The following MEIKIN variants were observed in gnomAD, a reference collection of about 807,000 sequenced individuals.
The protein encoded by MEIKIN is meiotic kinetochore factor, also known as meiosis-specific kinetochore protein.
rs567851953 is a variant in MEIKIN at position 131,854,641 on chromosome 5, AAC to A, written c.855+111_855+112del. On this transcript the variant is annotated intron_variant, in intron 10 of 12. Transcript: ENST00000442687. ...TGAAAGTGTGCTTAAGCAACAGAAA[AAC>A]ACAGATATTATTCTCCATAGGCAAT... 1.7e-3 allele frequency: 661 copies of A among 392,008 alleles called. 5 individuals carry two copies. Among genetic ancestry groups the A allele is most frequent in the African/African-American group, 0.012 (602 of 48,586 alleles). 24.3% of individuals were successfully genotyped at this position (392,008 alleles called of 1,614,324 possible).
rs189836256 is a variant in MEIKIN at position 131,889,205 on chromosome 5, G to T, written c.704-10157C>A. Among the ~76,000 whole-genome samples the T allele has an allele frequency of 6.0e-3, 921 of 152,236 alleles. 9 individuals carry two copies. In the Middle Eastern group the frequency reaches 0.071, roughly 12 times the overall value. ...ACTTGGCAATGCAGGCTCTTTTTTG[G>T]TTCCATATGAACTTGAAAGTAGTTT... On this transcript the variant is annotated intron_variant, in intron 8 of 12. Coordinates refer to ENST00000442687, the MANE Select transcript of MEIKIN (RefSeq NM_001303622.2).
intron 8 of MEIKIN, among the ~76,000 whole-genome samples, chr5:131,902,849 G>A (rs141024556): frequency 1.2e-4 from 19 of 152,236 alleles, no homozygotes; most frequent in South Asian, 6.2e-4. Flanking sequence ...GGATAGGAAC[G>A]AGGATCATCG....
intron 8 of MEIKIN, among the ~76,000 whole-genome samples, chr5:131,893,419 C>A (rs551137573): frequency 6.6e-6 from 1 of 152,228 alleles, no homozygotes; most frequent in Non-Finnish European, 1.5e-5. Context: ...CCTGGTGTGC[C>A]ATTTGTGAAG....
At chr5:131,940,618 A>G (rs570291099) in intron 4 of MEIKIN, among the ~76,000 whole-genome samples, 1 of 152,212 alleles carries the variant, frequency 6.6e-6, no homozygotes, top group African/African-American at 2.4e-5. Flanking sequence ...ATCTGTTTAT[A>G]TGGCAGTAAG....
At chr5:131,829,712 C>T (rs551353985) in intron 11 of MEIKIN, among the ~76,000 whole-genome samples, 5 of 152,274 alleles carry the variant, frequency 3.3e-5, no homozygotes, top group Admixed American at 2.6e-4. Flanking sequence ...GAAATAGGGT[C>T]TCTGCAGACT....
chr5:131,932,634 C>T (rs1017230447), intron 5 of MEIKIN, among the ~76,000 whole-genome samples: 6 of 152,200 alleles, frequency 3.9e-5, no homozygotes, highest in African/African-American at 1.4e-4. Flanking sequence ...TATAATACTA[C>T]AGAGAAACGA....
chr5:131,917,599 G>A (rs888985012), intron 6 of MEIKIN, among the ~76,000 whole-genome samples: 33 of 150,074 alleles, frequency 2.2e-4, no homozygotes, highest in African/African-American at 7.6e-4. Flanking sequence ...AAAACTCACA[G>A]TCAAATACTA....
chr5:131,942,503 A>G (rs1238517717), intron 4 of MEIKIN, 132 bp downstream of exon 4: 1 of 387,374 alleles, frequency 2.6e-6, no homozygotes, highest in Non-Finnish European at 4.6e-6. Flanking sequence ...TAGCACAGTC[A>G]GAAGGATTCA....
At chr5:131,871,946 TAGAAGGAAAACTAACAAACA>T (rs1750510916) in intron 9 of MEIKIN, among the ~76,000 whole-genome samples, 3 of 152,056 alleles carry the variant, frequency 2.0e-5, no homozygotes, top group African/African-American at 7.2e-5. Flanking sequence ...TCCTGACTGT[TAGAAGGAAAACTAACAAACA>T]GGAAGGACAT....
In MEIKIN at chr5:131,845,272, T is replaced by TAAAAAAAAAAAAAAA. The variant is rs1158220526; in HGVS notation, c.975+5977_975+5991dup. On this transcript the variant is annotated intron_variant, in intron 11 of 12. Transcript: ENST00000442687. ...GTGACAGAGCGAGAAGACTTCGTCTTAAAAAAAAAAAAAAAAAAAAAAAAA... is the reference window on the plus strand; with the variant it reads ...GTGACAGAGCGAGAAGACTTCGTCTTAAAAAAAAAAAAAAAAAAAAAAAAAAAAAAAAAAAAAAAA... Among the ~76,000 whole-genome samples, 70 of 45,358 alleles carry TAAAAAAAAAAAAAAA rather than the reference T, an allele frequency of 1.5e-3. 6 individuals carry two copies. The highest frequency in any genetic ancestry group is 9.1e-3 in the African/African-American group (65 of 7,160). The allele number at this position is 45,358 out of a possible 152,430, so 29.8% of individuals were successfully genotyped here.
intron 12 of MEIKIN, among the ~76,000 whole-genome samples, chr5:131,815,767 A>G (rs2149601593): frequency 6.6e-6 from 1 of 152,330 alleles, no homozygotes; most frequent in South Asian, 2.1e-4. Context: ...ATGGAAAACT[A>G]CAACAACCCA....
rs1041510908 is a variant in MEIKIN, at chr5:131,872,889, A to G, written c.774+6089T>C. Among the ~76,000 whole-genome samples the G allele has an allele frequency of 6.6e-4, 100 of 152,352 alleles. 1 individual carries two copies. Among genetic ancestry groups the G allele is most frequent in the Non-Finnish European group, 1.2e-3 (81 of 68,032 alleles). ...ATTTTCAACCCAGCATTTCATATCC[A>G]GCCAAACTAAGCTTCATAAGTGAAG... On this transcript the variant is annotated intron_variant, in intron 9 of 12. Transcript: ENST00000442687.
In MEIKIN at chr5:131,849,391, T is replaced by C. The variant is rs191523066; in HGVS notation, c.975+1873A>G. On this transcript the variant is annotated intron_variant, in intron 11 of 12. Coordinates refer to ENST00000442687, the MANE Select transcript of MEIKIN (RefSeq NM_001303622.2). Reference sequence around the variant, plus strand: ...TCTTTATATATATAAAGAAACCTCTTTTCTTTATATATATAAAGAAACCTC... The same window carrying C: ...TCTTTATATATATAAAGAAACCTCTCTTCTTTATATATATAAAGAAACCTC... 6.8e-4 allele frequency among the ~76,000 whole-genome samples: 97 copies of C among 142,502 alleles called. 2 individuals carry two copies. The highest frequency in any genetic ancestry group is 2.4e-3 in the African/African-American group (92 of 38,428). 93.5% of individuals were successfully genotyped at this position (142,502 alleles called of 152,430 possible).
At chr5:131,874,517 G>A (rs577828625) in intron 9 of MEIKIN, among the ~76,000 whole-genome samples, 9 of 152,086 alleles carry the variant, frequency 5.9e-5, no homozygotes, top group African/African-American at 9.6e-5. Context: ...GCTTACCAAC[G>A]AAAAAAGTCC....
rs1749982923 is a variant in MEIKIN at position 131,844,905 on chromosome 5, T to C, written c.975+6359A>G. ...CCTCAGAAAAGACCTAAGAAGACCT[T>C]AAGTTTACACCTCAAGCTGATCTTT... On this transcript the variant is annotated intron_variant, in intron 11 of 12. Coordinates refer to ENST00000442687, the MANE Select transcript of MEIKIN (RefSeq NM_001303622.2). Among the ~76,000 whole-genome samples, 4 of 152,046 alleles carry C rather than the reference T, an allele frequency of 2.6e-5. No homozygotes were observed. In the South Asian group the frequency reaches 8.3e-4, roughly 31 times the overall value.
At chr5:131,859,468 G>C (rs949418562) in intron 9 of MEIKIN, among the ~76,000 whole-genome samples, 1 of 152,136 alleles carries the variant, frequency 6.6e-6, no homozygotes, top group Admixed American at 6.5e-5. Flanking sequence ...TCTCTTGATA[G>C]AGTGAGTTCT....
chr5:131,856,828 A>G (rs1257631319), intron 9 of MEIKIN, among the ~76,000 whole-genome samples: 4 of 151,558 alleles, frequency 2.6e-5, no homozygotes, highest in African/African-American at 7.3e-5. Flanking sequence ...ATCAGTACAT[A>G]TTTATAGTCT....
intron 4 of MEIKIN, among the ~76,000 whole-genome samples, chr5:131,941,124 T>C (rs977219200): frequency 6.9e-6 from 1 of 145,972 alleles, no homozygotes; most frequent in Non-Finnish European, 1.5e-5. Flanking sequence ...GCCTTGACAA[T>C]TCCTTCAAGA....
intron 9 of MEIKIN, among the ~76,000 whole-genome samples, chr5:131,861,569 C>G (rs1028521372): frequency 6.6e-6 from 1 of 152,112 alleles, no homozygotes; most frequent in African/African-American, 2.4e-5. Flanking sequence ...CCCATTCAGT[C>G]TGATGTCAGC....
Sources: allele counts gnomAD v4.1 joint callset (sites outside exome capture counted in the v4.1 genomes callset), GRCh38; gene constraint gnomAD v4.1.1; transcripts MANE v1.5; gene names NCBI Gene and HGNC (gene_info 2026-07-23, HGNC 2026-07-21).